MOV10L1: variants seen among roughly 807,000 people sequenced by gnomAD.
The protein encoded by MOV10L1 is RNA helicase Mov10l1.
MOV10L1 carries 110 observed loss-of-function variants against 143.8 expected under a neutral mutation model. The ratio of observed to expected loss-of-function variants is 0.76; its 90% CI spans 0.66 to 0.90. The LOEUF (loss-of-function observed/expected upper bound fraction) is 0.90, where lower values mean the gene tolerates loss of function less well. Among genes scored for constraint, MOV10L1 ranks in the 40% least tolerant of loss-of-function variants. The pLI is 0.00. For missense variants in MOV10L1, 1,406 were observed against 1,526.8 expected, an observed-to-expected ratio of 0.92 and a Z score of 1.32; for synonymous variants, 593 against 581.1, an observed-to-expected ratio of 1.02 and a Z score of -0.29.
At chr22:50,127,859 G>A (rs184913205) in intron 12 of MOV10L1, among the ~76,000 whole-genome samples, 8 of 151,162 alleles carry the variant, frequency 5.3e-5, no homozygotes, top group East Asian at 1.9e-4. Flanking sequence ...TGCAACCTCC[G>A]CTTCCCAGGT....
intron 8 of MOV10L1, 81 bp downstream of exon 8, chr22:50,115,327 C>T (rs1364890071): frequency 3.6e-6 from 5 of 1,390,136 alleles, no homozygotes; most frequent in Admixed American, 3.0e-5. Context: ...AAAGGTACTC[C>T]TTTGTGGCGG....
At chr22:50,113,823 A>G (rs1244505841) in intron 6 of MOV10L1, 35 bp downstream of exon 6, 1 of 1,536,012 alleles carries the variant, frequency 6.5e-7, no homozygotes, top group African/African-American at 1.4e-5. Flanking sequence ...CTATAAAGCT[A>G]CATTAATGGC....
intron 12 of MOV10L1, 34 bp downstream of exon 12, chr22:50,126,306 G>A: frequency 6.6e-7 from 1 of 1,523,586 alleles, no homozygotes; most frequent in Non-Finnish European, 9.1e-7. Context: ...GTTTGTGTTA[G>A]ACACACCCTT....
rs557540763 is a variant in MOV10L1 at position 50,125,394 on chromosome 22, T to G, written c.1572T>G (p.Leu524=). Residue 524 remains leucine (L), a splice_region_variant and synonymous_variant, in exon 11 of 27, where the codon CTT becomes CTG. Coordinates refer to ENST00000262794, the MANE Select transcript of MOV10L1 (RefSeq NM_018995.3). The part of the protein sequence containing the change: ...ILTFQPLLAE[L]LNMSNYKEKF... ...TATAACATTTGGGTGTTTTCCAGCT[T>G]CTGAACATGTCAAATTACAAGGAGA... 4 of 1,614,090 alleles carry G rather than the reference T, an allele frequency of 2.5e-6. No individual in the cohort carries two copies. The African/African-American group carries it at 5.3e-5, about 21-fold the overall frequency.
At chr22:50,147,234 C>G (rs56281345) in intron 19 of MOV10L1, 22,780 of 648,090 alleles carry the variant, frequency 0.035, 578 homozygotes, top group Middle Eastern at 0.067. Context: ...GCAGGCCGCT[C>G]TCTCAGAGGC....
Position 50,117,216 on chromosome 22 carries a change from G to A in MOV10L1, c.1319G>A (p.Arg440Gln), listed in dbSNP as rs781329843. 1.5e-5 allele frequency: 24 copies of A among 1,613,648 alleles called. No individual in the cohort carries two copies. Among genetic ancestry groups the A allele is most frequent in the Non-Finnish European group, 1.8e-5 (21 of 1,179,864 alleles). Residue 440 changes from arginine (R) to glutamine (Q), a missense_variant, in exon 9 of 27, where the codon CGA (arginine) becomes CAA (glutamine). Physicochemically the swap from Arg to Gln is conservative, Grantham distance 43. This residue lies in a region of MOV10L1 where 1,233 missense variants were observed against 1,351.4 expected (regional missense o/e 0.91). Coordinates refer to ENST00000262794, the MANE Select transcript of MOV10L1 (RefSeq NM_018995.3). Reference sequence around the variant, plus strand: ...TGTTTTTCCGATTTCCTAATTGGGCGATACCTTGAAGTAAATGTTATCAGT... The same window carrying A: ...TGTTTTTCCGATTTCCTAATTGGGCAATACCTTGAAGTAAATGTTATCAGT... ...LLCFSDFLIG[R>Q]YLEVNVISGE...
At chr22:50,143,805 A>G (rs2063057885) in intron 17 of MOV10L1, among the ~76,000 whole-genome samples, 1 of 152,208 alleles carries the variant, frequency 6.6e-6, no homozygotes, top group Non-Finnish European at 1.5e-5. Flanking sequence ...ACAGGTATTG[A>G]GCGCACAATT....
chr22:50,131,223 A>T (rs1252011806), intron 13 of MOV10L1, among the ~76,000 whole-genome samples: 1 of 151,998 alleles, frequency 6.6e-6, no homozygotes, highest in Non-Finnish European at 1.5e-5. Context: ...ACATCTTTTT[A>T]TGTGCTTTTT....
chr22:50,094,931 A>G (rs528617742), intron 2 of MOV10L1: 1 of 152,210 alleles, frequency 6.6e-6, no homozygotes, highest in Non-Finnish European at 1.5e-5. Context: ...TTAAAACTAA[A>G]TGCAACTTAC....
intron 13 of MOV10L1, among the ~76,000 whole-genome samples, 194 bp downstream of exon 13, chr22:50,128,701 C>T (rs543564840): frequency 8.6e-5 from 13 of 151,772 alleles, no homozygotes; most frequent in East Asian, 7.7e-4. Flanking sequence ...CCTGCCACCA[C>T]GCCTGGCTAA....
At chr22:50,132,509 T>C (rs921389464) in intron 13 of MOV10L1, among the ~76,000 whole-genome samples, 8 of 141,306 alleles carry the variant, frequency 5.7e-5, no homozygotes, top group Non-Finnish European at 7.8e-5. Context: ...TACTTTTCAG[T>C]GTATAGGTCT....
chr22:50,118,001 G>C (rs1399423683), intron 9 of MOV10L1, among the ~76,000 whole-genome samples: 1 of 152,100 alleles, frequency 6.6e-6, no homozygotes, highest in Non-Finnish European at 1.5e-5. Context: ...TCCTCCATCG[G>C]CTATAATAAC....
At chr22:50,109,781 G>T (rs778309059) in intron 5 of MOV10L1, 14 of 160,120 alleles carry the variant, frequency 8.7e-5, no homozygotes, top group Admixed American at 2.5e-4. Flanking sequence ...GCTTGAGGCT[G>T]CAGCGAGCTG....
chr22:50,117,707 G>A (rs1050998132), intron 9 of MOV10L1, among the ~76,000 whole-genome samples: 9 of 152,208 alleles, frequency 5.9e-5, no homozygotes, highest in African/African-American at 2.2e-4. Context: ...ATGGTGTGTA[G>A]TGCACGGCAT....
At chr22:50,119,820 A>C (rs9628264) in intron 9 of MOV10L1, among the ~76,000 whole-genome samples, 8 of 151,826 alleles carry the variant, frequency 5.3e-5, no homozygotes, top group Non-Finnish European at 1.2e-4. Flanking sequence ...GTGAGACTGC[A>C]CTGAAATGGA....
chr22:50,161,228 T>A, intron 26 of MOV10L1, 140 bp from the exon 27 acceptor site: 1 of 984,486 alleles, frequency 1.0e-6, no homozygotes, highest in Admixed American at 2.4e-5. Context: ...CCTGGACATT[T>A]GGGGTCATGT....
At chr22:50,108,503 G>A (rs2061935461) in intron 4 of MOV10L1, 154 bp from the exon 5 acceptor site, 2 of 811,740 alleles carry the variant, frequency 2.5e-6, no homozygotes, top group East Asian at 5.2e-5. Flanking sequence ...GGAGAAAGGT[G>A]TGTTGGAGAA....
At chr22:50,120,382 C>A (rs2062304803) in intron 9 of MOV10L1, 120 bp from the exon 10 acceptor site, 1 of 671,874 alleles carries the variant, frequency 1.5e-6, no homozygotes, top group Admixed American at 2.6e-5. Context: ...TATATCAGTT[C>A]TTCTCAGGAA....
rs75109122 is a variant in MOV10L1 at position 50,128,357 on chromosome 22, CTAGA to C, written c.1819-56_1819-53del. 3,637 of 963,576 alleles carry C rather than the reference CTAGA, an allele frequency of 3.8e-3. 145 individuals carry two copies. In the East Asian group the frequency reaches 0.08, roughly 21 times the overall value. The allele number at this position is 963,576 out of a possible 1,614,324, so 59.7% of individuals were successfully genotyped here. ...AGAATGAATTTTTGATGATGTGTCG[CTAGA>C]TAAAGATATCACATTATTTCAAGAA... On this transcript the variant is annotated intron_variant, in intron 12 of 26. Transcript: ENST00000262794.
Sources: gnomAD v4.1 joint callset for allele counts (sites outside exome capture counted in the v4.1 genomes callset) on GRCh38, gnomAD v4.1.1 for gene constraint, gnomAD v4.1.1 regional missense constraint, MANE v1.5 for transcripts, NCBI Gene and HGNC (gene_info 2026-07-23, HGNC 2026-07-21) for gene names.